Variants in ZEB1 observed in about 807,000 individuals in gnomAD.
ZEB1 encodes the protein zinc finger E-box binding homeobox 1, also known as zinc finger E-box-binding homeobox 1.
ZEB1 carries 21 observed loss-of-function variants against 84.9 expected under a neutral mutation model. The ratio of observed to expected loss-of-function variants is 0.25; its 90% CI spans 0.18 to 0.36. The LOEUF is 0.36. ZEB1 is among the 10% of genes least tolerant of loss of function. The pLI, the probability that ZEB1 is intolerant of heterozygous loss-of-function variation, is 1.00. For missense variants in ZEB1, 1,104 were observed against 1,330.2 expected, an observed-to-expected ratio of 0.83 and a Z score of 2.65; for synonymous variants, 420 against 471.1, an observed-to-expected ratio of 0.89 and a Z score of 1.41.
In ZEB1 at chr10:31,356,190, A is replaced by G. The variant is rs149018860; in HGVS notation, c.58+36898A>G. 3.2e-3 allele frequency among the ~76,000 whole-genome samples: 493 copies of G among 152,238 alleles called. 5 individuals are homozygous for G. The highest frequency in any genetic ancestry group is 0.011 in the African/African-American group (465 of 41,570). On this transcript the variant is annotated intron_variant, in intron 1 of 8. Transcript: ENST00000424869. The stretch of plus-strand genomic sequence containing the variant: ...CTATATTATAAATATAATTTAGAAA[A>G]CATCGTTCCTTAAAAAATAATTTTT...
At chr10:31,485,868 G>A (rs1014677625) in intron 2 of ZEB1, among the ~76,000 whole-genome samples, 2 of 151,768 alleles carry the variant, frequency 1.3e-5, no homozygotes, top group African/African-American at 4.8e-5. Context: ...GAGCACTATC[G>A]TGCTACCCGT....
At chr10:31,334,069 T>C (rs1401234502) in intron 1 of ZEB1, among the ~76,000 whole-genome samples, 3 of 151,884 alleles carry the variant, frequency 2.0e-5, no homozygotes, top group African/African-American at 7.3e-5. Context: ...AAGAAATAGG[T>C]AAATTTATCA....
chr10:31,490,196 A>T (rs2066335612), intron 2 of ZEB1, among the ~76,000 whole-genome samples: 1 of 151,346 alleles, frequency 6.6e-6, no homozygotes. Flanking sequence ...GGAGGTTACT[A>T]TTTGAGGTTC....
Position 31,495,984 on chromosome 10 carries a change from G to A in ZEB1, c.322+146G>A, listed in dbSNP as rs531358888. 7.5e-6 allele frequency: 6 copies of A among 794,786 alleles called. No homozygotes were observed. In the South Asian group the frequency reaches 7.6e-5, roughly 10 times the overall value. The allele number at this position is 794,786 out of a possible 1,614,324, so 49.2% of individuals were successfully genotyped here. On this transcript the variant is annotated intron_variant, in intron 3 of 8. Transcript: ENST00000424869. ...AAATGTTTAAGTACTTAGGCATATG[G>A]TGCACTACATAAAAAGAAGTAAATA...
At chr10:31,322,219 A>G (rs2034272102) in intron 1 of ZEB1, 1 of 152,410 alleles carries the variant, frequency 6.6e-6, no homozygotes, top group Non-Finnish European at 1.5e-5. Flanking sequence ...AAATGAAGTT[A>G]TATTCCATTG....
chr10:31,510,680 A>G lies in ZEB1; in HGVS notation c.492A>G (p.Pro164=), dbSNP rs142133469. 47 of 1,612,956 alleles carry G rather than the reference A, an allele frequency of 2.9e-5. No homozygotes were observed. The African/African-American group carries it at 3.6e-4, about 12-fold the overall frequency. Residue 164 remains proline (P), a synonymous_variant, in exon 5 of 9, where the codon CCA becomes CCG. Coordinates refer to ENST00000424869, the MANE Select transcript of ZEB1 (RefSeq NM_001174096.2). ...ATGATCTTTCTTTTACAGGAACACC[A>G]GATGCATTTTCACAATTACTCACCT... is the stretch of plus-strand genomic sequence containing the variant. ...EASGHDENGT[P]DAFSQLLTCP...
intron 1 of ZEB1, among the ~76,000 whole-genome samples, chr10:31,411,139 C>T (rs1185802305): frequency 6.6e-6 from 1 of 152,064 alleles, no homozygotes; most frequent in Non-Finnish European, 1.5e-5. Flanking sequence ...TCAGCAAATG[C>T]AAAAGAACGG....
At chr10:31,367,218 G>A (rs2044693667) in intron 1 of ZEB1, among the ~76,000 whole-genome samples, 1 of 152,086 alleles carries the variant, frequency 6.6e-6, no homozygotes, top group Admixed American at 6.5e-5. Flanking sequence ...AAAGTATTTT[G>A]CTTCCCGTTA....
chr10:31,363,483 C>T (rs1207887164), intron 1 of ZEB1: 25 of 1,531,394 alleles, frequency 1.6e-5, no homozygotes, highest in Non-Finnish European at 2.2e-5. Context: ...TCTCCAGGGG[C>T]CTAGAGGTGG....
In ZEB1 at chr10:31,524,720, A is replaced by G. The variant is rs373869628; in HGVS notation, c.2785+607A>G. On this transcript the variant is annotated intron_variant, in intron 8 of 8. Coordinates refer to ENST00000424869, the MANE Select transcript of ZEB1 (RefSeq NM_001174096.2). ...AAGCTTATGCTATATTAATAAAAAC[A>G]TAGTACATAGTACCCATTAATAAAA... is the stretch of plus-strand genomic sequence containing the variant. 2.6e-4 allele frequency among the ~76,000 whole-genome samples: 39 copies of G among 152,070 alleles called. 1 individual carries two copies. The highest frequency in any genetic ancestry group is 8.2e-4 in the African/African-American group (34 of 41,326).
At chr10:31,490,755 T>C (rs2066415866) in intron 2 of ZEB1, among the ~76,000 whole-genome samples, 1 of 151,856 alleles carries the variant, frequency 6.6e-6, no homozygotes, top group Admixed American at 6.6e-5. Flanking sequence ...TTTGAGATTA[T>C]ATTCTGGATA....
At chr10:31,426,966 A>ACG in intron 1 of ZEB1, among the ~76,000 whole-genome samples, 1 of 131,600 alleles carries the variant, frequency 7.6e-6, no homozygotes, top group African/African-American at 4.5e-5. Context: ...TTTGTAGGAA[A>ACG]AAATTTCTTC....
At chr10:31,356,863 G>A (rs963464435) in intron 1 of ZEB1, among the ~76,000 whole-genome samples, 1 of 152,158 alleles carries the variant, frequency 6.6e-6, no homozygotes, top group Non-Finnish European at 1.5e-5. Context: ...GATCATGGGA[G>A]TATTCAGGCT....
chr10:31,444,256 G>A (rs1169995875), intron 1 of ZEB1, among the ~76,000 whole-genome samples: 1 of 106,586 alleles, frequency 9.4e-6, no homozygotes, highest in Non-Finnish European at 1.9e-5. Flanking sequence ...TTTTTGATGG[G>A]GTTGTTTGTT....
chr10:31,320,883 C>T (rs1425919050), intron 1 of ZEB1, among the ~76,000 whole-genome samples: 1 of 152,144 alleles, frequency 6.6e-6, no homozygotes, highest in Non-Finnish European at 1.5e-5. Context: ...CGCCCCGGTA[C>T]CTGTTTGTAT....
intron 1 of ZEB1, among the ~76,000 whole-genome samples, chr10:31,393,035 A>G (rs1205892106): frequency 6.6e-6 from 1 of 152,096 alleles, no homozygotes; most frequent in Non-Finnish European, 1.5e-5. Flanking sequence ...CGGGGGTCTC[A>G]TCATGTTGCC....
chr10:31,468,609 TACTACAA>T (rs1454243388), intron 2 of ZEB1, among the ~76,000 whole-genome samples: 1 of 152,144 alleles, frequency 6.6e-6, no homozygotes, highest in Non-Finnish European at 1.5e-5. Context: ...AGCATACCAC[TACTACAA>T]ACTACAAACA....
rs80003104 is a variant in ZEB1, at chr10:31,503,996, T to C, written c.484+1487T>C. ...ATGAGTAATTTGCAGATATTCACTC[T>C]GTTGTTTCCTTTGCTGAGTCTTAGC... On this transcript the variant is annotated intron_variant, in intron 4 of 8. Coordinates refer to ENST00000424869, the MANE Select transcript of ZEB1 (RefSeq NM_001174096.2). Among the ~76,000 whole-genome samples the C allele has an allele frequency of 6.2e-3, 865 of 138,536 alleles. 49 individuals carry two copies. The East Asian group carries it at 0.13, about 22-fold the overall frequency. 90.9% of individuals were successfully genotyped at this position (138,536 alleles called of 152,430 possible). A position where few individuals can be genotyped will look rare whatever the true frequency, so the allele number is the denominator to read the frequency against.
chr10:31,328,920 G>C (rs181871261), intron 1 of ZEB1, among the ~76,000 whole-genome samples: 7 of 152,144 alleles, frequency 4.6e-5, no homozygotes, highest in Admixed American at 3.9e-4. Context: ...ATGTATTTAA[G>C]AAGATGGCTG....
Sources: allele counts gnomAD v4.1 joint callset (sites outside exome capture counted in the v4.1 genomes callset), GRCh38; gene constraint gnomAD v4.1.1; transcripts MANE v1.5; gene names NCBI Gene and HGNC (gene_info 2026-07-23, HGNC 2026-07-21).